The following TCF12 variants were observed in gnomAD, a reference collection of about 807,000 sequenced individuals.
The protein encoded by TCF12 is DNA-binding protein HTF4.
In TCF12, 45 loss-of-function variants were observed where a neutral mutation model predicts 86.0. The ratio of observed to expected loss-of-function variants is 0.52; its 90% CI spans 0.41 to 0.67. The LOEUF (loss-of-function observed/expected upper bound fraction) is 0.67. Ranked by LOEUF, TCF12 falls within the 30% of genes least tolerant of loss-of-function variation. TCF12 has a pLI of 0.00. For synonymous variants in TCF12, 330 were observed against 299.6 expected (o/e 1.10, Z -1.05); for missense variants, 881 against 859.9 (o/e 1.02, Z -0.31).
At chr15:57,021,427 C>T (rs947673744) in intron 3 of TCF12, among the ~76,000 whole-genome samples, 6 of 152,110 alleles carry the variant, frequency 3.9e-5, no homozygotes, top group South Asian at 2.1e-4. Context: ...CCCAGGAGGG[C>T]GGATCACAAG....
intron 3 of TCF12, among the ~76,000 whole-genome samples, chr15:57,009,108 G>C (rs1275212264): frequency 1.3e-5 from 2 of 152,042 alleles, no homozygotes; most frequent in East Asian, 3.8e-4. Context: ...ATTTGGTCCT[G>C]CTTTTTTGTT....
At chr15:57,201,392 C>T (rs2057535708) in intron 8 of TCF12, among the ~76,000 whole-genome samples, 1 of 152,030 alleles carries the variant, frequency 6.6e-6, no homozygotes, top group Admixed American at 6.6e-5. Context: ...TAAGTTGTGT[C>T]TGGAAAGATG....
intron 19 of TCF12, chr15:57,281,663 AGGGATCT>A (rs1354701280): frequency 6.6e-6 from 1 of 152,260 alleles, no homozygotes; most frequent in Non-Finnish European, 1.5e-5. Context: ...TACATATGCA[AGGGATCT>A]GGGATCTAGG....
At chr15:57,000,466 A>C (rs2063960501) in intron 3 of TCF12, among the ~76,000 whole-genome samples, 1 of 152,230 alleles carries the variant, frequency 6.6e-6, no homozygotes, top group South Asian at 2.1e-4. Context: ...TGAAAAGTTT[A>C]TCAAAATTTG....
At chr15:57,039,308 C>G (rs1193070519) in intron 3 of TCF12, among the ~76,000 whole-genome samples, 2 of 152,124 alleles carry the variant, frequency 1.3e-5, no homozygotes, top group African/African-American at 4.8e-5. Context: ...TCTTACATAT[C>G]TGTTCATATT....
At chr15:57,092,672 A>AT (rs1219601653) in intron 5 of TCF12, among the ~76,000 whole-genome samples, 3 of 151,378 alleles carry the variant, frequency 2.0e-5, no homozygotes, top group Admixed American at 6.6e-5. Context: ...ATGTTTTATG[A>AT]TTTTTTTTCT....
intron 3 of TCF12, among the ~76,000 whole-genome samples, chr15:57,057,029 A>G (rs1220540962): frequency 6.6e-6 from 1 of 152,110 alleles, no homozygotes; most frequent in Non-Finnish European, 1.5e-5. Context: ...ATGTTCTTCC[A>G]AAGAGTTTTG....
At chr15:57,128,950 A>T (rs1290162899) in intron 5 of TCF12, among the ~76,000 whole-genome samples, 1 of 152,194 alleles carries the variant, frequency 6.6e-6, no homozygotes, top group African/African-American at 2.4e-5. Flanking sequence ...TGAGATTTGG[A>T]GTACTTCTAC....
intron 8 of TCF12, among the ~76,000 whole-genome samples, chr15:57,207,483 C>A (rs1212941252): frequency 6.6e-6 from 1 of 152,056 alleles, no homozygotes; most frequent in African/African-American, 2.4e-5. Context: ...CCAGTCTGAC[C>A]AACATGGTGA....
chr15:57,253,169 A>C, intron 15 of TCF12, 93 bp from the exon 16 acceptor site: 1 of 1,383,256 alleles, frequency 7.2e-7, no homozygotes, highest in Non-Finnish European at 1.0e-6. Context: ...TTCACTTGCT[A>C]TCTTCCACAT....
At position 57,198,919 on chromosome 15, in the gene TCF12, T is replaced by C. The variant is rs2057400222; in HGVS notation, c.579+1094T>C. ...GAAGTAGAGATACAATCTTTTTGGT[T>C]GTCTGCCTTCCTTCTTTTCTGTGTT... On this transcript the variant is annotated intron_variant, in intron 8 of 20. Coordinates refer to ENST00000333725, the MANE Select transcript of TCF12 (RefSeq NM_207037.2). Among the ~76,000 whole-genome samples the C allele has an allele frequency of 3.3e-5, 5 of 152,174 alleles. No individual in the cohort carries two copies. In the South Asian group the frequency reaches 1.0e-3, roughly 32 times the overall value.
intron 4 of TCF12, among the ~76,000 whole-genome samples, chr15:57,083,480 C>CT (rs1278920143): frequency 2.0e-5 from 3 of 151,892 alleles, no homozygotes; most frequent in Admixed American, 6.6e-5. Flanking sequence ...AAATAAACGA[C>CT]TGTTTTAGGA....
chr15:56,930,337 GGTCA>G (rs1410678571), intron 3 of TCF12, among the ~76,000 whole-genome samples: 1 of 152,212 alleles, frequency 6.6e-6, no homozygotes, highest in Non-Finnish European at 1.5e-5. Context: ...TTTGACCACA[GGTCA>G]GTTTAGAAAA....
intron 8 of TCF12, among the ~76,000 whole-genome samples, chr15:57,206,956 A>C (rs1463492121): frequency 6.6e-6 from 1 of 151,868 alleles, no homozygotes; most frequent in African/African-American, 2.4e-5. Context: ...AAAGGAAAAA[A>C]AAAATTGGTC....
intron 3 of TCF12, among the ~76,000 whole-genome samples, chr15:56,944,918 G>A (rs747391847): frequency 1.3e-5 from 2 of 152,120 alleles, no homozygotes; most frequent in Admixed American, 1.3e-4. Context: ...TATTAAGCCT[G>A]CTGGGATTTG....
chr15:57,249,598 A>C (rs1555408444), intron 13 of TCF12, among the ~76,000 whole-genome samples: 1 of 152,158 alleles, frequency 6.6e-6, no homozygotes, highest in Non-Finnish European at 1.5e-5. Context: ...ACATTGTTTC[A>C]TAATTAAATA....
chr15:56,987,312 A>G (rs1423755106), intron 3 of TCF12, among the ~76,000 whole-genome samples: 1 of 152,074 alleles, frequency 6.6e-6, no homozygotes, highest in East Asian at 1.9e-4. Context: ...AGAGGGTTTC[A>G]TCATGTTGGC....
At chr15:57,153,478 A>G (rs1047404979) in intron 5 of TCF12, among the ~76,000 whole-genome samples, 3 of 152,206 alleles carry the variant, frequency 2.0e-5, no homozygotes, top group Non-Finnish European at 4.4e-5. Context: ...AGCTCCAGAA[A>G]TGGTAATAAT....
intron 16 of TCF12, among the ~76,000 whole-genome samples, chr15:57,255,191 C>T (rs1231123527): frequency 6.6e-6 from 1 of 152,138 alleles, no homozygotes; most frequent in Non-Finnish European, 1.5e-5. Context: ...ATATCTGGCT[C>T]CTCCCAGTTG....
Sources: allele counts gnomAD v4.1 joint callset (sites outside exome capture counted in the v4.1 genomes callset), GRCh38; gene constraint gnomAD v4.1.1; transcripts MANE v1.5; gene names NCBI Gene and HGNC (gene_info 2026-07-23, HGNC 2026-07-21).